The following SPAM1 variants were observed in gnomAD, a reference collection of about 807,000 sequenced individuals.
The protein encoded by SPAM1 is hyaluronidase PH-20.
SPAM1 carries 22 observed loss-of-function variants against 29.6 expected under a neutral mutation model. That is an observed-to-expected ratio of 0.74 (90% confidence interval 0.53 to 1.06). SPAM1 has a LOEUF of 1.06. SPAM1 is among the 50% of genes least tolerant of loss of function. The probability of loss-of-function intolerance (pLI) is 0.00; values close to 1 mark genes in which losing one functional copy is unlikely to be tolerated. For missense variants in SPAM1, 534 were observed against 604.0 expected (o/e 0.88, Z 1.21); for synonymous variants, 194 against 204.6 (o/e 0.95, Z 0.44).
intron 1 of SPAM1, among the ~76,000 whole-genome samples, chr7:123,937,857 T>C (rs576726424): frequency 1.8e-4 from 27 of 152,182 alleles, no homozygotes; most frequent in African/African-American, 6.3e-4. Flanking sequence ...CATGGGCAGA[T>C]GGAAGACAGT....
At chr7:123,931,661 G>T (rs898643562) in intron 1 of SPAM1, among the ~76,000 whole-genome samples, 1 of 152,122 alleles carries the variant, frequency 6.6e-6, no homozygotes, top group African/African-American at 2.4e-5. Flanking sequence ...ACATTGAATA[G>T]ACTTGCATGC....
At position 123,954,149 on chromosome 7, in the gene SPAM1, A is replaced by G. The variant is rs939146862; in HGVS notation, c.579A>G (p.Glu193=). Residue 193 remains glutamate (E), a synonymous_variant, in exon 3 of 5, where the codon GAA becomes GAG. Coordinates refer to ENST00000682466, the MANE Select transcript of SPAM1 (RefSeq NM_153189.3). ...EATEKAKQEF[E]KAGKDFLVET... ...CTGAGAAAGCAAAACAAGAATTTGA[A>G]AAGGCAGGGAAGGATTTCCTGGTAG... 1 of 1,612,986 alleles carries G rather than the reference A, an allele frequency of 6.2e-7. No individual in the cohort carries two copies. Among genetic ancestry groups the G allele is most frequent in the Non-Finnish European group, 8.5e-7 (1 of 1,179,574 alleles).
chr7:123,942,677 C>T lies in SPAM1; in HGVS notation c.-318-7195C>T, dbSNP rs75617640. On this transcript the variant is annotated intron_variant, in intron 1 of 4. Coordinates refer to ENST00000682466, the MANE Select transcript of SPAM1 (RefSeq NM_153189.3). ...GAGTGAATTCCTCACCTCAAGGTCCCAAGGAACCTTGGGGCTCCTGGGACT... is the reference window on the plus strand; with the variant it reads ...GAGTGAATTCCTCACCTCAAGGTCCTAAGGAACCTTGGGGCTCCTGGGACT... 2.9e-3 allele frequency among the ~76,000 whole-genome samples: 438 copies of T among 152,266 alleles called. 3 individuals are homozygous for T. Among genetic ancestry groups the T allele is most frequent in the African/African-American group, 0.01 (418 of 41,548 alleles).
intron 1 of SPAM1, among the ~76,000 whole-genome samples, chr7:123,927,170 C>T: frequency 6.6e-6 from 1 of 152,104 alleles, no homozygotes; most frequent in East Asian, 1.9e-4. Flanking sequence ...TAGGGCATGA[C>T]TCCCTAGACC....
chr7:123,955,541 A>G (rs980732613), intron 4 of SPAM1, among the ~76,000 whole-genome samples: 15 of 151,998 alleles, frequency 9.9e-5, no homozygotes, highest in African/African-American at 3.4e-4. Context: ...TTGTGGAAAT[A>G]CCAATGATGA....
At chr7:123,937,355 A>G (rs1808273811) in intron 1 of SPAM1, among the ~76,000 whole-genome samples, 2 of 152,104 alleles carry the variant, frequency 1.3e-5, no homozygotes, top group Non-Finnish European at 2.9e-5. Flanking sequence ...TAATCCCAGC[A>G]TTTTGGGAGG....
At chr7:123,957,536 C>T (rs572438536) in intron 4 of SPAM1, among the ~76,000 whole-genome samples, 5 of 151,966 alleles carry the variant, frequency 3.3e-5, no homozygotes, top group Admixed American at 1.3e-4. Flanking sequence ...TGGATTGTTA[C>T]GAAGATGGAT....
At chr7:123,947,100 A>G (rs1319467425) in intron 1 of SPAM1, among the ~76,000 whole-genome samples, 1 of 152,200 alleles carries the variant, frequency 6.6e-6, no homozygotes, top group Non-Finnish European at 1.5e-5. Context: ...CTGTTTTATC[A>G]TTTTGAAAAT....
intron 1 of SPAM1, among the ~76,000 whole-genome samples, chr7:123,936,727 T>C (rs1808253422): frequency 6.6e-6 from 1 of 152,184 alleles, no homozygotes; most frequent in Admixed American, 6.5e-5. Flanking sequence ...TCTTTCTAAA[T>C]AGATTTTAGC....
chr7:123,932,697 C>A (rs895119868), intron 1 of SPAM1, among the ~76,000 whole-genome samples: 2 of 152,156 alleles, frequency 1.3e-5, no homozygotes, highest in African/African-American at 4.8e-5. Context: ...CCAAAGAACT[C>A]GTTCACACAA....
chr7:123,956,252 G>A (rs1033745762), intron 4 of SPAM1, among the ~76,000 whole-genome samples: 1 of 151,696 alleles, frequency 6.6e-6, no homozygotes, highest in Non-Finnish European at 1.5e-5. Flanking sequence ...CTCCTTAATG[G>A]CATTGTCCCA....
chr7:123,930,922 G>A (rs1203781204), intron 1 of SPAM1, among the ~76,000 whole-genome samples: 1 of 152,148 alleles, frequency 6.6e-6, no homozygotes, highest in African/African-American at 2.4e-5. Flanking sequence ...TGGGTCAGGG[G>A]TTCAGATGTC....
downstream of SPAM1, among the ~76,000 whole-genome samples, chr7:123,960,883 C>T (rs1356331574): frequency 1.3e-5 from 2 of 151,648 alleles, no homozygotes; most frequent in African/African-American, 4.8e-5. Context: ...TGAGACTGAG[C>T]TCTAAAAAGC....
At chr7:123,968,766 T>C (rs1584966722) in intron 5 of SPAM1, among the ~76,000 whole-genome samples, 1 of 152,044 alleles carries the variant, frequency 6.6e-6, no homozygotes, top group South Asian at 2.1e-4. Context: ...TCATTGGCTG[T>C]GTAAGCTTGA....
chr7:123,926,256 T>A (rs1807881149), intron 1 of SPAM1, among the ~76,000 whole-genome samples: 1 of 152,136 alleles, frequency 6.6e-6, no homozygotes, highest in Non-Finnish European at 1.5e-5. Context: ...TGGATTATCA[T>A]ACCCTCCTTC....
At chr7:123,937,368 A>G (rs4731130) in intron 1 of SPAM1, among the ~76,000 whole-genome samples, 23,657 of 152,050 alleles carry the variant, frequency 0.16, 2,193 homozygotes, top group Non-Finnish European at 0.21. Flanking sequence ...TTGGGAGGCC[A>G]AGGCGGGCGG....
intron 4 of SPAM1, among the ~76,000 whole-genome samples, chr7:123,956,750 A>G (rs1792255351): frequency 6.6e-6 from 1 of 152,058 alleles, no homozygotes; most frequent in Non-Finnish European, 1.5e-5. Context: ...TTGCATCTTT[A>G]TAAATGGAAA....
downstream of SPAM1, among the ~76,000 whole-genome samples, chr7:123,963,898 A>G (rs1425393327): frequency 1.3e-5 from 2 of 152,110 alleles, no homozygotes; most frequent in East Asian, 3.9e-4. Context: ...TAGCTAGTAC[A>G]GTGCTTGTTA....
intron 4 of SPAM1, among the ~76,000 whole-genome samples, chr7:123,959,074 T>C (rs1792306915): frequency 1.3e-5 from 2 of 152,022 alleles, no homozygotes; most frequent in South Asian, 4.1e-4. Flanking sequence ...GATAGGAAAC[T>C]AAGACTTAGA....
Sources: allele counts gnomAD v4.1 joint callset (sites outside exome capture counted in the v4.1 genomes callset), GRCh38; gene constraint gnomAD v4.1.1; transcripts MANE v1.5; gene names NCBI Gene and HGNC (gene_info 2026-07-23, HGNC 2026-07-21).